ARHGAP45: variants seen among roughly 807,000 people sequenced by gnomAD.
The protein encoded by ARHGAP45 is rho GTPase-activating protein 45.
In ARHGAP45, 56 loss-of-function variants were observed where a neutral mutation model predicts 116.1. The ratio of observed to expected loss-of-function variants is 0.48; its 90% CI spans 0.39 to 0.60. The LOEUF is 0.60. Ranked by LOEUF, ARHGAP45 falls within the 20% of genes least tolerant of loss-of-function variation. The probability of loss-of-function intolerance (pLI) is 0.00; values close to 1 mark genes in which losing one functional copy is unlikely to be tolerated. For missense variants in ARHGAP45, 1,622 were observed against 1,601.0 expected (o/e 1.01, Z -0.22); for synonymous variants, 866 against 701.7 (o/e 1.23, Z -3.70).
chr19:1,079,946 C>T lies in ARHGAP45; in HGVS notation c.1531C>T (p.Gln511Ter). ...TIKSATISYYQMMHMQTAPLP... is the reference protein window; with the variant it reads ...TIKSATISYY ...CCCGCAGGCCACGATCTCCTACTAC[C>T]AGATGATGCATATGCAGACGGCGCC... is the stretch of plus-strand genomic sequence containing the variant. Residue 511 changes from glutamine to a stop codon, truncating the protein, a stop_gained, in exon 13 of 23, where the codon CAG becomes TAG. Transcript: ENST00000313093. LOFTEE classifies it high-confidence loss of function. 1.2e-6 allele frequency: 2 copies of T among 1,611,500 alleles called. No individual in the cohort carries two copies. Among genetic ancestry groups the T allele is most frequent in the Non-Finnish European group, 1.7e-6 (2 of 1,178,800 alleles).
rs749871148 is a variant in ARHGAP45, at chr19:1,085,697, AGAG to A, written c.3107_3109del (p.Glu1036del). On this transcript the variant is annotated inframe_deletion, in exon 23 of 23. Coordinates refer to ENST00000313093, the MANE Select transcript of ARHGAP45 (RefSeq NM_012292.5). ...TGTCCAACGATTCGGACTCGGACCT[AGAG>A]GAGGCCTCCGAGCTGCTGTCCTCAT... 6.9e-6 allele frequency: 11 copies of A among 1,598,074 alleles called. No individual in the cohort carries two copies. The highest frequency in any genetic ancestry group is 3.3e-5 in the South Asian group (3 of 90,062).
chr19:1,082,016 G>T, intron 19 of ARHGAP45, 55 bp downstream of exon 19: 2 of 1,573,354 alleles, frequency 1.3e-6, no homozygotes, highest in Non-Finnish European at 8.6e-7. Context: ...AGCCAGGCAG[G>T]AGGAGGCGGG....
At chr19:1,082,107 G>C in intron 19 of ARHGAP45, 146 bp downstream of exon 19, 1 of 831,376 alleles carries the variant, frequency 1.2e-6, no homozygotes, top group Non-Finnish European at 1.8e-6. Flanking sequence ...AGGGTGGGCG[G>C]GACAGTGCCT....
Position 1,084,300 on chromosome 19 carries a change from G to A in ARHGAP45, c.3018G>A (p.Glu1006=), listed in dbSNP as rs749082374. 1.1e-4 allele frequency: 171 copies of A among 1,612,622 alleles called. No homozygotes were observed. The highest frequency in any genetic ancestry group is 1.7e-4 in the Middle Eastern group (1 of 5,876). Residue 1006 remains glutamate (E), a synonymous_variant, in exon 22 of 23, where the codon GAG becomes GAA. Coordinates refer to ENST00000313093, the MANE Select transcript of ARHGAP45 (RefSeq NM_012292.5). The part of the protein sequence containing the change: ...VVQVPYLEAG[E]AVVYPLQEAA... ...AGGTGCCGTACCTGGAGGCGGGCGA[G>A]GCGGTGGTCTACCCGCTGCAGGAGG...
At chr19:1,076,954 C>G (rs1298930411) in intron 10 of ARHGAP45, 5 of 880,052 alleles carry the variant, frequency 5.7e-6, no homozygotes, top group Non-Finnish European at 6.8e-6. Flanking sequence ...GTCTCAAACT[C>G]CTGGCCTCAA....
Position 1,079,597 on chromosome 19 carries a change from C to T in ARHGAP45, c.1375-106C>T, listed in dbSNP as rs534971115. The T allele has an allele frequency of 1.3e-4, 187 of 1,444,622 alleles. No individual in the cohort carries two copies. The African/African-American group carries it at 2.3e-3, about 18-fold the overall frequency. The allele number at this position is 1,444,622 out of a possible 1,614,324, so 89.5% of individuals were successfully genotyped here. On this transcript the variant is annotated intron_variant, in intron 11 of 22. Transcript: ENST00000313093. Reference sequence around the variant, plus strand: ...CAAGCAAGTCTCCCACTGTGGCCTCCCGAGGCGCTGGGATGACAGGCGTCA... The same window carrying T: ...CAAGCAAGTCTCCCACTGTGGCCTCTCGAGGCGCTGGGATGACAGGCGTCA...
chr19:1,066,045 TTC>T (rs1301903015), upstream of ARHGAP45: 2 of 1,535,296 alleles, frequency 1.3e-6, no homozygotes, highest in Admixed American at 2.0e-5. Flanking sequence ...GGGCAAAGAG[TTC>T]TCAAGGGTCT....
At chr19:1,067,135 G>C, upstream of ARHGAP45, 1 of 1,159,458 alleles carries the variant, frequency 8.6e-7, no homozygotes, top group Non-Finnish European at 1.1e-6. Flanking sequence ...CCCGGGGCTG[G>C]GGGCGGGGCC....
Position 1,074,182 on chromosome 19 carries a change from A to G in ARHGAP45, c.869A>G (p.Lys290Arg). The G allele has an allele frequency of 6.2e-7, 1 of 1,613,504 alleles. No homozygotes were observed. The highest frequency in any genetic ancestry group is 8.5e-7 in the Non-Finnish European group (1 of 1,180,012). ...GGVDAALLYA[K>R]NMAKYMKDLI... ...GTGGATGCCGCACTGCTGTATGCCAAGAACATGGCCAAGTACATGAAGGAC... is the reference window on the plus strand; with the variant it reads ...GTGGATGCCGCACTGCTGTATGCCAGGAACATGGCCAAGTACATGAAGGAC... The change falls in exon 7 of 23, where the codon AAG becomes AGG. Residue 290 changes from lysine to arginine, a missense_variant. By Grantham distance (26) the Lys-to-Arg change is conservative. Around this residue, in one of 3 missense-constraint regions of ARHGAP45, gnomAD observed 1,334 missense variants for 1,263.8 expected, o/e 1.06. Coordinates refer to ENST00000313093, the MANE Select transcript of ARHGAP45 (RefSeq NM_012292.5).
rs372387936 is a variant in ARHGAP45 at position 1,073,317 on chromosome 19, G to A, written c.565+25G>A. 47 of 1,610,950 alleles carry A rather than the reference G, an allele frequency of 2.9e-5. No individual in the cohort carries two copies. In the African/African-American group the frequency reaches 5.6e-4, roughly 19 times the overall value. Reference sequence around the variant, plus strand: ...GGTCAGCCTGCTGGAACAGGGCTGCGAGGGCTCTCTGCCTAGAAGGGCATC... The same window carrying A: ...GGTCAGCCTGCTGGAACAGGGCTGCAAGGGCTCTCTGCCTAGAAGGGCATC... On this transcript the variant is annotated intron_variant, in intron 3 of 22. Coordinates refer to ENST00000313093, the MANE Select transcript of ARHGAP45 (RefSeq NM_012292.5).
At chr19:1,079,194 A>C (rs1468350414) in intron 11 of ARHGAP45, among the ~76,000 whole-genome samples, 1 of 148,642 alleles carries the variant, frequency 6.7e-6, no homozygotes, top group Non-Finnish European at 1.5e-5. Context: ...AAAAAAAAAA[A>C]TTCTTTATAA....
chr19:1,074,934 G>GCAGTCC lies in ARHGAP45; in HGVS notation c.1185+59_1185+64dup, dbSNP rs1568461871. ...GCGGGCAGCGGGCCTCGGCGCAGGCGCAGTCCCAGCCCCAGCCCCATAGCG... is the reference window on the plus strand; with the variant it reads ...GCGGGCAGCGGGCCTCGGCGCAGGCGCAGTCCCAGTCCCAGCCCCAGCCCCATAGCG... On this transcript the variant is annotated intron_variant, in intron 10 of 22. Coordinates refer to ENST00000313093, the MANE Select transcript of ARHGAP45 (RefSeq NM_012292.5). 3 of 1,439,206 alleles carry GCAGTCC rather than the reference G, an allele frequency of 2.1e-6. No homozygotes were observed. The African/African-American group carries it at 4.3e-5, about 21-fold the overall frequency. The allele number at this position is 1,439,206 out of a possible 1,614,324, so 89.2% of individuals were successfully genotyped here. A position where few individuals can be genotyped will look rare whatever the true frequency, so the allele number is the denominator to read the frequency against.
In ARHGAP45 at chr19:1,069,297, G is replaced by T. The variant is rs573217478; in HGVS notation, c.421+553G>T. 6.6e-6 allele frequency among the ~76,000 whole-genome samples: 1 copy of T among 152,144 alleles called. No individual in the cohort carries two copies. The highest frequency in any genetic ancestry group is 2.4e-5 in the African/African-American group (1 of 41,444). On this transcript the variant is annotated intron_variant, in intron 2 of 22. Transcript: ENST00000313093. This position sits in a 1 kb window ranked among gnomAD's most constrained non-coding sequence, Gnocchi z 4.1. Reference sequence around the variant, plus strand: ...GCTGGGACCCAGCGGCCTGCAGGCCGGCAGTTCCGTTTTCTCCTCCACGCG... The same window carrying T: ...GCTGGGACCCAGCGGCCTGCAGGCCTGCAGTTCCGTTTTCTCCTCCACGCG...
chr19:1,068,879 G>A lies in ARHGAP45; in HGVS notation c.421+135G>A, dbSNP rs1035031645. ...GGGAGGGCTGTGTGGAAGAGGCCAT[G>A]ACAGCTAAGGCTCTGAGGGATGTGT... On this transcript the variant is annotated intron_variant, in intron 2 of 22. Transcript: ENST00000313093. This position sits in a 1 kb window ranked among gnomAD's most constrained non-coding sequence, Gnocchi z 7.5. 6.1e-6 allele frequency: 5 copies of A among 814,616 alleles called. No individual in the cohort carries two copies. The highest frequency in any genetic ancestry group is 5.1e-5 in the Admixed American group (2 of 38,888). The allele number at this position is 814,616 out of a possible 1,614,324, so 50.5% of individuals were successfully genotyped here.
chr19:1,067,972 A>C (rs1599747482), intron 1 of ARHGAP45, among the ~76,000 whole-genome samples: 1 of 63,800 alleles, frequency 1.6e-5, no homozygotes, highest in Non-Finnish European at 3.0e-5. Flanking sequence ...GGGTCTACAG[A>C]GCTTGGGGGT....
At position 1,085,784 on chromosome 19, in the gene ARHGAP45, C is replaced by A. The variant is rs770006559; in HGVS notation, c.3189C>A (p.Ser1063Arg). The A allele has an allele frequency of 6.8e-6, 11 of 1,612,806 alleles. No individual in the cohort carries two copies. Among genetic ancestry groups the A allele is most frequent in the Non-Finnish European group, 9.3e-6 (11 of 1,179,874 alleles). The stretch of plus-strand genomic sequence containing the variant: ...TGGAGCAGCAGCAGAGCGAGGCCAG[C>A]CTAGAGGTGGCTTCTGGCAGCCACA... ...SFLEQQQSEA[S>R]LEVASGSHSG... Residue 1063 changes from serine (S) to arginine (R), a missense_variant, in exon 23 of 23, where the codon AGC (serine) becomes AGA (arginine). Physicochemically the swap from Ser to Arg is moderately radical, Grantham distance 110. Transcript: ENST00000313093.
chr19:1,083,953 C>A (rs1377595876), intron 21 of ARHGAP45, among the ~76,000 whole-genome samples: 1 of 152,178 alleles, frequency 6.6e-6, no homozygotes, highest in Non-Finnish European at 1.5e-5. Context: ...GTTGGCCAGG[C>A]TGGTCTCGAA....
At position 1,084,303 on chromosome 19, in the gene ARHGAP45, G is replaced by T; in HGVS notation, c.3021G>T (p.Ala1007=). The T allele has an allele frequency of 1.2e-6, 2 of 1,612,490 alleles. No individual in the cohort carries two copies. Among genetic ancestry groups the T allele is most frequent in the Middle Eastern group, 1.7e-4 (1 of 5,802 alleles). The part of the protein sequence containing the change: ...VQVPYLEAGE[A]VVYPLQEAAA... ...TGCCGTACCTGGAGGCGGGCGAGGC[G>T]GTGGTCTACCCGCTGCAGGAGGCGG... The change falls in exon 22 of 23, where the codon GCG becomes GCT. Residue 1007 remains alanine, a synonymous_variant. Transcript: ENST00000313093.
upstream of ARHGAP45, chr19:1,066,185 G>T (rs1248992270): frequency 6.8e-7 from 1 of 1,471,530 alleles, no homozygotes; most frequent in Non-Finnish European, 9.0e-7. Flanking sequence ...TGGGGTTTGG[G>T]AAAGGAAAGA....
Sources: allele counts gnomAD v4.1 joint callset (sites outside exome capture counted in the v4.1 genomes callset), GRCh38; gene constraint gnomAD v4.1.1; regional missense constraint gnomAD v4.1.1; non-coding constraint Gnocchi (gnomAD v3.1); transcripts MANE v1.5; gene names NCBI Gene and HGNC (gene_info 2026-07-23, HGNC 2026-07-21).